Variants in PDE4D observed in about 807,000 individuals in gnomAD.
PDE4D encodes the protein phosphodiesterase 4D, also known as 3',5'-cyclic-AMP phosphodiesterase 4D.
A neutral mutation model predicts 87.4 loss-of-function variants in PDE4D; 24 were observed. The ratio of observed to expected loss-of-function variants is 0.27; its 90% confidence interval spans 0.20 to 0.39. PDE4D has a LOEUF of 0.39. PDE4D is among the 10% of genes least tolerant of loss of function. The pLI, the probability that PDE4D is intolerant of heterozygous loss-of-function variation, is 1.00. For missense variants in PDE4D, 714 were observed against 1,041.0 expected, an observed-to-expected ratio of 0.69 and a Z score of 4.32; for synonymous variants, 384 against 383.2, an observed-to-expected ratio of 1.00 and a Z score of -0.02.
chr5:60,322,367 TACACACACACACACACACACAC>T (rs60232413), intron 1 of PDE4D, among the ~76,000 whole-genome samples: 26 of 132,816 alleles, frequency 2.0e-4, no homozygotes, highest in South Asian at 1.0e-3. Flanking sequence ...TGGACACACA[TACACACACACACACACACACAC>T]ACACACACAC....
At chr5:59,449,154 C>T (rs930294945) in intron 1 of PDE4D, among the ~76,000 whole-genome samples, 7 of 152,142 alleles carry the variant, frequency 4.6e-5, no homozygotes, top group African/African-American at 7.2e-5. Flanking sequence ...GCATTAATGC[C>T]CTTCACCCAG....
rs375746362 is a variant in PDE4D, at chr5:59,255,819, C to T, written c.456-39851G>A. On this transcript the variant is annotated intron_variant, in intron 1 of 14. Coordinates refer to ENST00000340635, the MANE Select transcript of PDE4D (RefSeq NM_001104631.2). Reference sequence around the variant, plus strand: ...GTGAAAATGGATACATGGGAGTGTGCATATCTTCTTTTCAAAGTATAAAAA... The same window carrying T: ...GTGAAAATGGATACATGGGAGTGTGTATATCTTCTTTTCAAAGTATAAAAA... Among the ~76,000 whole-genome samples the T allele has an allele frequency of 7.2e-5, 11 of 152,138 alleles. No homozygotes were observed. The East Asian group carries it at 7.8e-4, about 11-fold the overall frequency.
rs548819971 is a variant in PDE4D at position 59,522,458 on chromosome 5, G to A, written c.456-306490C>T. On this transcript the variant is annotated intron_variant, in intron 1 of 14. Transcript: ENST00000340635. ...CACAAACGGCAATTGAGTAGCAAGG[G>A]AAGGTGAATTCCTCAGTCCTGAGTT... Among the ~76,000 whole-genome samples the A allele has an allele frequency of 4.6e-5, 7 of 152,310 alleles. No individual in the cohort carries two copies. In the South Asian group the frequency reaches 1.5e-3, roughly 32 times the overall value.
At chr5:59,139,498 A>C (rs1019373529) in intron 5 of PDE4D, among the ~76,000 whole-genome samples, 3 of 151,976 alleles carry the variant, frequency 2.0e-5, no homozygotes, top group Non-Finnish European at 4.4e-5. Flanking sequence ...TCATAATTGG[A>C]TTTTATTTTG....
chr5:59,436,391 C>T (rs886571497), intron 1 of PDE4D, among the ~76,000 whole-genome samples: 2 of 152,088 alleles, frequency 1.3e-5, no homozygotes, highest in South Asian at 2.1e-4. Context: ...GAAAAACTTC[C>T]TTGGTATTTA....
chr5:59,102,527 C>T (rs1770930537), intron 5 of PDE4D, among the ~76,000 whole-genome samples: 1 of 151,990 alleles, frequency 6.6e-6, no homozygotes, highest in Non-Finnish European at 1.5e-5. Context: ...GTTCTAAGAC[C>T]CAGGTTCCAA....
chr5:60,102,846 T>C lies in PDE4D; in HGVS notation c.42+82711A>G, dbSNP rs1009919468. 3.9e-5 allele frequency among the ~76,000 whole-genome samples: 6 copies of C among 152,102 alleles called. No individual in the cohort carries two copies. The East Asian group carries it at 1.2e-3, about 29-fold the overall frequency. ...TCTGGCCATGACCAACCAGAAGATA[T>C]ATTCATTGTAAACAGTCAACTGAAT... On this transcript the variant is annotated intron_variant, in intron 2 of 16. Coordinates refer to the PDE4D transcript ENST00000502484.
chr5:60,331,407 C>T (rs932747661), intron 1 of PDE4D, among the ~76,000 whole-genome samples: 2 of 152,240 alleles, frequency 1.3e-5, no homozygotes, highest in African/African-American at 4.8e-5. Flanking sequence ...GGCCCCCAGG[C>T]TCTCTCCTAC....
At chr5:59,280,785 T>C (rs1332384596) in intron 1 of PDE4D, among the ~76,000 whole-genome samples, 2 of 152,058 alleles carry the variant, frequency 1.3e-5, no homozygotes, top group Non-Finnish European at 2.9e-5. Context: ...ACTGGGAGTT[T>C]TACTGCAGTA....
chr5:59,137,678 C>T (rs1194081798), intron 5 of PDE4D, among the ~76,000 whole-genome samples: 1 of 152,160 alleles, frequency 6.6e-6, no homozygotes, highest in Non-Finnish European at 1.5e-5. Context: ...AGGCGCCCGC[C>T]ACCACGCGTG....
chr5:59,657,389 A>AT (rs986174018), intron 1 of PDE4D, among the ~76,000 whole-genome samples: 7 of 152,086 alleles, frequency 4.6e-5, no homozygotes, highest in African/African-American at 1.7e-4. Context: ...CAATAAGTAG[A>AT]TTTTTTTCAT....
chr5:59,889,973 T>C (rs1176648505), intron 1 of PDE4D, among the ~76,000 whole-genome samples: 8 of 152,178 alleles, frequency 5.3e-5, no homozygotes, highest in African/African-American at 1.9e-4. Flanking sequence ...CCACAAAATA[T>C]CTAAGGGTTG....
chr5:59,143,599 T>A (rs1385615947), intron 5 of PDE4D, among the ~76,000 whole-genome samples: 1 of 152,162 alleles, frequency 6.6e-6, no homozygotes, highest in Non-Finnish European at 1.5e-5. Context: ...GCATGGGACA[T>A]AGTAAGTACT....
At chr5:60,135,402 G>C (rs1486100901) in intron 2 of PDE4D, among the ~76,000 whole-genome samples, 1 of 152,116 alleles carries the variant, frequency 6.6e-6, no homozygotes, top group Non-Finnish European at 1.5e-5. Flanking sequence ...TTTTCTTTCT[G>C]CCTCTACTTA....
chr5:59,955,586 C>T (rs1430477801), intron 3 of PDE4D, among the ~76,000 whole-genome samples: 1 of 152,200 alleles, frequency 6.6e-6, no homozygotes, highest in African/African-American at 2.4e-5. Context: ...CCTGAGGATT[C>T]CAACCAGTAT....
intron 1 of PDE4D, among the ~76,000 whole-genome samples, chr5:59,869,365 C>A (rs1747490221): frequency 6.6e-6 from 1 of 152,052 alleles, no homozygotes; most frequent in Non-Finnish European, 1.5e-5. Context: ...ATAAAAACTC[C>A]AAGGCAGGAG....
intron 1 of PDE4D, among the ~76,000 whole-genome samples, chr5:59,249,242 T>C (rs1310547740): frequency 6.6e-6 from 1 of 152,048 alleles, no homozygotes; most frequent in Non-Finnish European, 1.5e-5. Flanking sequence ...AGTCCAAAAG[T>C]GTTAAGTAAA....
chr5:60,243,200 C>A (rs1391061572), intron 1 of PDE4D, among the ~76,000 whole-genome samples: 15 of 151,844 alleles, frequency 9.9e-5, no homozygotes. Context: ...AACTAAATCC[C>A]AGTAAATTAA....
At chr5:60,181,850 A>T (rs1473112237) in intron 2 of PDE4D, among the ~76,000 whole-genome samples, 2 of 152,160 alleles carry the variant, frequency 1.3e-5, no homozygotes, top group African/African-American at 4.8e-5. Context: ...AATAACAGGG[A>T]TATTATAAAG....
Sources: gnomAD v4.1 joint callset for allele counts (sites outside exome capture counted in the v4.1 genomes callset) on GRCh38, gnomAD v4.1.1 for gene constraint, MANE v1.5 for transcripts, NCBI Gene and HGNC (gene_info 2026-07-23, HGNC 2026-07-21) for gene names.